The following PAPOLG variants were observed in gnomAD, a reference collection of about 807,000 sequenced individuals.
The protein encoded by PAPOLG is poly(A) polymerase gamma.
In PAPOLG, 40 loss-of-function variants were observed where a neutral mutation model predicts 99.0. The ratio of observed to expected loss-of-function variants is 0.40; its 90% CI spans 0.31 to 0.53. PAPOLG has a LOEUF of 0.53. PAPOLG is among the 20% of genes least tolerant of loss of function. The pLI is 0.41. For synonymous variants in PAPOLG, 310 were observed against 299.3 expected (o/e 1.04, Z -0.37); for missense variants, 675 against 884.1 (o/e 0.76, Z 3.00).
rs984684659 is a variant in PAPOLG at position 60,787,168 on chromosome 2, G to A, written c.1286+102G>A. The A allele has an allele frequency of 1.1e-5, 11 of 1,028,620 alleles. No individual in the cohort carries two copies. The Admixed American group carries it at 2.3e-4, about 22-fold the overall frequency. 63.7% of individuals were successfully genotyped at this position (1,028,620 alleles called of 1,614,324 possible). A position where few individuals can be genotyped will look rare whatever the true frequency, so the allele number is the denominator to read the frequency against. ...AGATTTTTGTTTAACAGGCATTGAT[G>A]GGAGTATGACACATTATATATTTGA... On this transcript the variant is annotated intron_variant, in intron 14 of 21. Coordinates refer to ENST00000238714, the MANE Select transcript of PAPOLG (RefSeq NM_022894.4).
At chr2:60,761,860 A>T in intron 3 of PAPOLG, 53 bp downstream of exon 3, 2 of 1,257,530 alleles carry the variant, frequency 1.6e-6, no homozygotes, top group Non-Finnish European at 2.3e-6. Context: ...TTGGCCATTC[A>T]TCCTGGCAAT....
chr2:60,766,649 C>T (rs1670683505), intron 3 of PAPOLG, among the ~76,000 whole-genome samples: 2 of 148,052 alleles, frequency 1.4e-5, no homozygotes, highest in African/African-American at 5.0e-5. Context: ...TCAGCCTGGG[C>T]AACACAGTGA....
At chr2:60,793,926 A>T in intron 18 of PAPOLG, 45 bp from the exon 19 acceptor site, 2 of 1,570,290 alleles carry the variant, frequency 1.3e-6, no homozygotes, top group Non-Finnish European at 8.7e-7. Context: ...GGAAAAAAAA[A>T]TTACATAAAT....
chr2:60,786,964 C>A lies in PAPOLG; in HGVS notation c.1184C>A (p.Ser395Tyr). The change falls in exon 14 of 22, where the codon TCT (serine) becomes TAT (tyrosine). Residue 395 changes from serine to tyrosine, a missense_variant. Coordinates refer to ENST00000238714, the MANE Select transcript of PAPOLG (RefSeq NM_022894.4). ...NHLEWVGLVE[S>Y]KIRVLVGNLE... is the part of the protein sequence containing the mutation. ...TATTTTAGGGTTGGATTAGTAGAATCTAAAATCCGTGTACTTGTTGGAAAC... is the reference window on the plus strand; with the variant it reads ...TATTTTAGGGTTGGATTAGTAGAATATAAAATCCGTGTACTTGTTGGAAAC... The A allele has an allele frequency of 6.2e-7, 1 of 1,610,260 alleles. No homozygotes were observed. The highest frequency in any genetic ancestry group is 1.1e-5 in the South Asian group (1 of 90,270).
intron 8 of PAPOLG, among the ~76,000 whole-genome samples, chr2:60,776,976 G>C (rs1002109485): frequency 7.9e-5 from 12 of 152,322 alleles, no homozygotes; most frequent in African/African-American, 2.9e-4. Context: ...ACTTCTAGTT[G>C]TGGAGATGGC....
chr2:60,781,853 A>G (rs767188068), intron 10 of PAPOLG, 32 bp from the exon 11 acceptor site: 14 of 1,613,128 alleles, frequency 8.7e-6, no homozygotes, highest in Admixed American at 8.3e-5. Context: ...AAATAGGAGA[A>G]TAGATCAGTT....
At chr2:60,757,290 A>G (rs903741052) in intron 1 of PAPOLG, among the ~76,000 whole-genome samples, 2 of 152,254 alleles carry the variant, frequency 1.3e-5, no homozygotes, top group Non-Finnish European at 2.9e-5. Context: ...AAAGAAATCA[A>G]GCATTCCAGA....
Position 60,794,177 on chromosome 2 carries a change from A to G in PAPOLG, c.1975A>G (p.Lys659Glu). The change falls in exon 19 of 22, where the codon AAA (lysine) becomes GAA (glutamate). Residue 659 changes from lysine (K) to glutamate (E), a missense_variant. Around this residue, in one of 3 missense-constraint regions of PAPOLG, gnomAD observed 413 missense variants for 460.5 expected, o/e 0.90. Coordinates refer to ENST00000238714, the MANE Select transcript of PAPOLG (RefSeq NM_022894.4). Reference sequence around the variant, plus strand: ...CATAGATGGGACTCCTAAGAGGTTGAAAGACGTAGAAAAGGTAAAGTTACA... The same window carrying G: ...CATAGATGGGACTCCTAAGAGGTTGGAAGACGTAGAAAAGGTAAAGTTACA... ...PSIDGTPKRLKDVEKFIRLES... is the reference protein window; with the variant it reads ...PSIDGTPKRLEDVEKFIRLES... The G allele has an allele frequency of 6.2e-7, 1 of 1,612,282 alleles. No homozygotes were observed. The highest frequency in any genetic ancestry group is 8.5e-7 in the Non-Finnish European group (1 of 1,178,576).
chr2:60,786,873 T>C, intron 13 of PAPOLG, 74 bp from the exon 14 acceptor site: 1 of 1,527,030 alleles, frequency 6.5e-7, no homozygotes, highest in Non-Finnish European at 8.8e-7. Flanking sequence ...GTTAATATGC[T>C]GTTTGGTTTA....
At chr2:60,787,381 C>G (rs1425120830) in intron 14 of PAPOLG, 130 bp from the exon 15 acceptor site, 2 of 1,198,138 alleles carry the variant, frequency 1.7e-6, no homozygotes, top group East Asian at 5.1e-5. Context: ...TTTTAAGAAT[C>G]TGGCCAGACC....
chr2:60,795,288 A>T (rs1164209264), intron 21 of PAPOLG: 1 of 578,820 alleles, frequency 1.7e-6, no homozygotes, highest in Admixed American at 2.2e-5. Context: ...TTATCTTTAA[A>T]GAAGCAGTTG....
In PAPOLG at chr2:60,767,333, T is replaced by A. The variant is rs76449158; in HGVS notation, c.247-1137T>A. Among the ~76,000 whole-genome samples, 354 of 152,012 alleles carry A rather than the reference T, an allele frequency of 2.3e-3. 2 individuals are homozygous for A. Among genetic ancestry groups the A allele is most frequent in the African/African-American group, 8.1e-3 (338 of 41,508 alleles). ...TCAAGAGGTGAAAATTAGCTTTTTTTTCTTTTTCTTTCTTTTTTTTTTTTT... is the reference window on the plus strand; with the variant it reads ...TCAAGAGGTGAAAATTAGCTTTTTTATCTTTTTCTTTCTTTTTTTTTTTTT... On this transcript the variant is annotated intron_variant, in intron 3 of 21. Coordinates refer to ENST00000238714, the MANE Select transcript of PAPOLG (RefSeq NM_022894.4).
rs1174691963 is a variant in PAPOLG at position 60,797,966 on chromosome 2, A to C, written c.*806A>C. 2.6e-5 allele frequency: 4 copies of C among 152,754 alleles called. No individual in the cohort carries two copies. Among genetic ancestry groups the C allele is most frequent in the Non-Finnish European group, 5.9e-5 (4 of 68,034 alleles). 9.5% of individuals were successfully genotyped at this position (152,754 alleles called of 1,614,324 possible). ...GAATGGTAAAATTGTTACATATCCTATTTCATGCCATTCTTGTTAGTTGAC... is the reference window on the plus strand; with the variant it reads ...GAATGGTAAAATTGTTACATATCCTCTTTCATGCCATTCTTGTTAGTTGAC... On this transcript the variant is annotated 3_prime_UTR_variant, in exon 22 of 22. Transcript: ENST00000238714.
intron 18 of PAPOLG, 106 bp downstream of exon 18, chr2:60,793,821 G>T (rs1671615011): frequency 2.8e-6 from 4 of 1,447,146 alleles, no homozygotes; most frequent in Non-Finnish European, 3.7e-6. Flanking sequence ...TAAGGTGGGA[G>T]GGTCACCTGA....
chr2:60,778,995 G>A (rs142760725), intron 8 of PAPOLG, among the ~76,000 whole-genome samples: 146 of 152,148 alleles, frequency 9.6e-4, no homozygotes, highest in Middle Eastern at 3.4e-3. Flanking sequence ...GGCTGAGGTG[G>A]AGGATCAGTT....
intron 13 of PAPOLG, among the ~76,000 whole-genome samples, chr2:60,785,779 G>A (rs1367372951): frequency 2.0e-5 from 3 of 149,266 alleles, no homozygotes; most frequent in Admixed American, 6.8e-5. Flanking sequence ...TGATCCTCCC[G>A]CCTCAGCTTC....
In PAPOLG at chr2:60,756,423, C is replaced by G; in HGVS notation, c.-56C>G. The stretch of plus-strand genomic sequence containing the variant: ...AGTGAACAGGGGGAGAAGGGAACAG[C>G]AAGAACAGGACTCCAGAGCGATAAA... On this transcript the variant is annotated 5_prime_UTR_variant, in exon 1 of 22. Transcript: ENST00000238714. 1 of 1,602,326 alleles carries G rather than the reference C, an allele frequency of 6.2e-7. No individual in the cohort carries two copies. The highest frequency in any genetic ancestry group is 2.3e-5 in the East Asian group (1 of 44,120).
chr2:60,781,230 A>G (rs1253692665), intron 10 of PAPOLG, among the ~76,000 whole-genome samples: 1 of 152,006 alleles, frequency 6.6e-6, no homozygotes, highest in South Asian at 2.1e-4. Flanking sequence ...GGTGGTGCAC[A>G]CCTGTAGTTC....
At chr2:60,768,598 C>A in intron 4 of PAPOLG, 47 bp downstream of exon 4, 2 of 1,463,084 alleles carry the variant, frequency 1.4e-6, no homozygotes, top group Non-Finnish European at 1.9e-6. Flanking sequence ...CAATAACAAA[C>A]TCTTCATAAT....
Sources: gnomAD v4.1 joint callset for allele counts (sites outside exome capture counted in the v4.1 genomes callset) on GRCh38, gnomAD v4.1.1 for gene constraint, gnomAD v4.1.1 regional missense constraint, MANE v1.5 for transcripts, NCBI Gene and HGNC (gene_info 2026-07-23, HGNC 2026-07-21) for gene names.